The following TASOR2 variants were observed in gnomAD, a reference collection of about 807,000 sequenced individuals.
TASOR2 encodes transcription activation suppressor family member 2.
In TASOR2, 84 loss-of-function variants were observed where a neutral mutation model predicts 199.5. That is an observed-to-expected ratio of 0.42 (90% CI 0.35 to 0.50). The LOEUF (loss-of-function observed/expected upper bound fraction) is 0.50, where lower values mean the gene tolerates loss of function less well. Ranked by LOEUF, TASOR2 falls within the 20% of genes least tolerant of loss-of-function variation. The probability of loss-of-function intolerance (pLI) is 0.02; values close to 1 mark genes in which losing one functional copy is unlikely to be tolerated. For missense variants in TASOR2, 2,796 were observed against 2,835.9 expected (o/e 0.99, Z 0.32); for synonymous variants, 1,103 against 1,046.6 (o/e 1.05, Z -1.04).
Position 5,740,089 on chromosome 10 carries a change from A to C in TASOR2, c.1919A>C (p.Glu640Ala), listed in dbSNP as rs1186092047. The change falls in exon 13 of 21, where the codon GAA becomes GCA. Residue 640 changes from glutamate to alanine, a missense_variant. By Grantham distance (107) the Glu-to-Ala change is moderately radical. This residue lies in a region of TASOR2 where 847 missense variants were observed against 887.4 expected (regional missense o/e 0.95). Transcript: ENST00000328090. This position sits in a 1 kb window ranked among gnomAD's most constrained non-coding sequence, Gnocchi z 5.3. ...TCAGCACTTACTGAGGAAATGCTAG[A>C]ATCTTCAGATGCAAGCCAAAGCTCT... 1 of 1,614,130 alleles carries C rather than the reference A, an allele frequency of 6.2e-7. No individual in the cohort carries two copies. Among genetic ancestry groups the C allele is most frequent in the Non-Finnish European group, 8.5e-7 (1 of 1,180,034 alleles).
Position 5,740,234 on chromosome 10 carries a change from A to G in TASOR2, c.2064A>G (p.Ala688=). The stretch of plus-strand genomic sequence containing the variant: ...GGAATGGGACAAAAAGCCCTGAAGC[A>G]GCAACCCCAGTGGGGAAAGTCATGC... Residue 688 remains alanine, a synonymous_variant, in exon 13 of 21, where the codon GCA becomes GCG. Transcript: ENST00000328090. The surrounding 1 kb of genome is among the most constrained non-coding windows in gnomAD (Gnocchi z 5.3). 1.9e-6 allele frequency: 3 copies of G among 1,614,260 alleles called. No homozygotes were observed. Among genetic ancestry groups the G allele is most frequent in the Non-Finnish European group, 2.5e-6 (3 of 1,180,050 alleles).
At chr10:5,735,469 A>C (rs141323344) in exon 12 of TASOR2, 1 of 1,614,202 alleles carries the variant, frequency 6.2e-7, no homozygotes, top group Non-Finnish European at 8.5e-7. Flanking sequence ...CCACCTGTGA[A>C]GAAATCTCCA....
exon 15 of TASOR2, chr10:5,746,309 C>G: frequency 6.2e-7 from 1 of 1,614,148 alleles, no homozygotes; most frequent in Non-Finnish European, 8.5e-7. Context: ...CTGGATAGCA[C>G]AAGAGTGGCT....
intron 11 of TASOR2, among the ~76,000 whole-genome samples, chr10:5,734,871 A>AT (rs1248191432): frequency 6.6e-6 from 1 of 150,914 alleles, no homozygotes; most frequent in Non-Finnish European, 1.5e-5. Context: ...TAATTTGTTT[A>AT]TTTTTTTGTA....
intron 11 of TASOR2, among the ~76,000 whole-genome samples, chr10:5,731,598 C>T (rs117419839): frequency 0.011 from 1,604 of 152,306 alleles, 21 homozygotes; most frequent in Non-Finnish European, 0.016. Flanking sequence ...TTTGCAGCAT[C>T]AGTTAGAAGA....
rs1041536929 is a variant in TASOR2 at position 5,706,794 on chromosome 10, G to A, written c.-287-6029G>A. On this transcript the variant is annotated intron_variant, in intron 1 of 20. Transcript: ENST00000328090. The surrounding 1 kb of genome is among the most constrained non-coding windows in gnomAD (Gnocchi z 4.8). ...GAGGTATGCAGATCACTTGAGGCCA[G>A]GAGTTCGAGACCAACCTGGCTAACA... 6.6e-6 allele frequency among the ~76,000 whole-genome samples: 1 copy of A among 152,126 alleles called. No individual in the cohort carries two copies. Among genetic ancestry groups the A allele is most frequent in the African/African-American group, 2.4e-5 (1 of 41,406 alleles).
rs138641983 is a variant in TASOR2, at chr10:5,715,873, C to T, written c.-191-1786C>T. Among the ~76,000 whole-genome samples the T allele has an allele frequency of 3.8e-4, 58 of 152,272 alleles. 2 individuals are homozygous for T. The South Asian group carries it at 0.011, about 28-fold the overall frequency. On this transcript the variant is annotated intron_variant, in intron 2 of 20. Coordinates refer to ENST00000328090, the Ensembl canonical transcript of TASOR2. Reference sequence around the variant, plus strand: ...GGCCAGGATGGTCTCGATCTCCTGACCTCATGGTCAGCCCTCCTTGGCCTC... The same window carrying T: ...GGCCAGGATGGTCTCGATCTCCTGATCTCATGGTCAGCCCTCCTTGGCCTC...
rs1831717693 is a variant in TASOR2 at position 5,710,084 on chromosome 10, C to T, written c.-287-2739C>T. Among the ~76,000 whole-genome samples the T allele has an allele frequency of 6.6e-6, 1 of 152,038 alleles. No homozygotes were observed. The highest frequency in any genetic ancestry group is 6.5e-5 in the Admixed American group (1 of 15,270). ...GAGCATTGCTCAGCAGTTATGAGAC[C>T]ATTCATTCATAAAGTGTTTGTATTG... On this transcript the variant is annotated intron_variant, in intron 1 of 20. Transcript: ENST00000328090. The surrounding 1 kb of genome is among the most constrained non-coding windows in gnomAD (Gnocchi z 4.6).
In TASOR2 at chr10:5,720,763, G is replaced by T. The variant is rs755144615; in HGVS notation, c.35G>T (p.Arg12Leu). Residue 12 changes from arginine to leucine, a missense_variant, in exon 5 of 21, where the codon CGC becomes CTC. By Grantham distance (102) the Arg-to-Leu change is moderately radical (BLOSUM62 -2). This residue lies in a region of TASOR2 where 847 missense variants were observed against 887.4 expected (regional missense o/e 0.95). Coordinates refer to ENST00000328090, the Ensembl canonical transcript of TASOR2. The surrounding 1 kb of genome is among the most constrained non-coding windows in gnomAD (Gnocchi z 5.3). ...CTTTCTTTTTCTGCTAGACTTGAAC[G>T]CAGTGAAAATGGTAAGAAATAGTTC... 2 of 1,611,462 alleles carry T rather than the reference G, an allele frequency of 1.2e-6. No individual in the cohort carries two copies. Among genetic ancestry groups the T allele is most frequent in the African/African-American group, 1.3e-5 (1 of 74,586 alleles).
chr10:5,748,688 C>T lies in TASOR2; in HGVS notation c.5267C>T (p.Pro1756Leu). The stretch of plus-strand genomic sequence containing the variant: ...GGGGTTTCCTCCCTTTGTGCTGGTC[C>T]CTACCAAAATACAGCAGACACCAAG... The change falls in exon 15 of 21, where the codon CCC becomes CTC. Residue 1756 changes from proline (P) to leucine (L), a missense_variant. This residue lies in a region of TASOR2 where 1,941 missense variants were observed against 1,924.9 expected (regional missense o/e 1.01). Transcript: ENST00000328090. The surrounding 1 kb of genome is among the most constrained non-coding windows in gnomAD (Gnocchi z 5.1). The T allele has an allele frequency of 6.2e-7, 1 of 1,614,178 alleles. No individual in the cohort carries two copies.
chr10:5,749,481 G>A (rs761918052), exon 15 of TASOR2: 18 of 1,613,838 alleles, frequency 1.1e-5, no homozygotes, highest in African/African-American at 5.3e-5. Flanking sequence ...CTTTCCCTTC[G>A]ACAAAAATCT....
chr10:5,708,552 T>A (rs909344446), intron 1 of TASOR2, among the ~76,000 whole-genome samples: 3 of 147,250 alleles, frequency 2.0e-5, no homozygotes, highest in African/African-American at 7.8e-5. Flanking sequence ...TTCTCTTTCT[T>A]TCTTTCTTTT....
intron 1 of TASOR2, among the ~76,000 whole-genome samples, chr10:5,696,758 A>G (rs1245794532): frequency 6.6e-6 from 1 of 152,220 alleles, no homozygotes; most frequent in Non-Finnish European, 1.5e-5. Flanking sequence ...AGTAGGAAAT[A>G]AAAGGAGCTG....
intron 13 of TASOR2, among the ~76,000 whole-genome samples, chr10:5,741,527 A>C (rs1207975606): frequency 2.0e-5 from 3 of 152,198 alleles, no homozygotes; most frequent in Non-Finnish European, 4.4e-5. Flanking sequence ...GCGATCTGCC[A>C]TCCTTTTGCC....
chr10:5,714,707 A>G (rs1832387678), intron 2 of TASOR2: 1 of 152,254 alleles, frequency 6.6e-6, no homozygotes, highest in Admixed American at 6.5e-5. Context: ...AAACAGATTA[A>G]ACTACTTTAT....
rs377604488 is a variant in TASOR2 at position 5,740,313 on chromosome 10, G to A, written c.2143G>A (p.Val715Met). 43 of 1,614,078 alleles carry A rather than the reference G, an allele frequency of 2.7e-5. No individual in the cohort carries two copies. The highest frequency in any genetic ancestry group is 7.7e-5 in the South Asian group (7 of 91,092). The change falls in exon 13 of 21, where the codon GTG becomes ATG. Residue 715 changes from valine to methionine, a missense_variant. Physicochemically the swap from Val to Met is conservative, Grantham distance 21. Transcript: ENST00000328090. This position sits in a 1 kb window ranked among gnomAD's most constrained non-coding sequence, Gnocchi z 5.3. Reference sequence around the variant, plus strand: ...TCAGCAAAAGCCTCCTGACGACCCCGTGGTGAAGCCCAAGGATCGACCACC... The same window carrying A: ...TCAGCAAAAGCCTCCTGACGACCCCATGGTGAAGCCCAAGGATCGACCACC...
At position 5,706,140 on chromosome 10, in the gene TASOR2, G is replaced by A. The variant is rs867727002; in HGVS notation, c.-287-6683G>A. On this transcript the variant is annotated intron_variant, in intron 1 of 20. Transcript: ENST00000328090. This position sits in a 1 kb window ranked among gnomAD's most constrained non-coding sequence, Gnocchi z 4.8. ...ATTGCAAAGATATTCTTTCTCAATG[G>A]AATTATACTGGCAATATTGAAAATC... Among the ~76,000 whole-genome samples, 2 of 152,034 alleles carry A rather than the reference G, an allele frequency of 1.3e-5. No homozygotes were observed. Among genetic ancestry groups the A allele is most frequent in the African/African-American group, 2.4e-5 (1 of 41,398 alleles).
At position 5,737,910 on chromosome 10, in the gene TASOR2, T is replaced by TGCAAATGTCTG. The variant is rs1279754297; in HGVS notation, c.1448-1707_1448-1697dup. 6.6e-6 allele frequency among the ~76,000 whole-genome samples: 1 copy of TGCAAATGTCTG among 152,248 alleles called. No individual in the cohort carries two copies. Among genetic ancestry groups the TGCAAATGTCTG allele is most frequent in the Non-Finnish European group, 1.5e-5 (1 of 68,034 alleles). On this transcript the variant is annotated intron_variant, in intron 12 of 20. Coordinates refer to ENST00000328090, the Ensembl canonical transcript of TASOR2. This position sits in a 1 kb window ranked among gnomAD's most constrained non-coding sequence, Gnocchi z 4.9. ...TGTTCAAATACAGGCTGATTTGTAT[T>TGCAAATGTCTG]GCAAATGTCTGTAGGTATTGTGCAG...
intron 1 of TASOR2, among the ~76,000 whole-genome samples, chr10:5,696,042 G>A (rs535720702): frequency 3.3e-5 from 5 of 152,284 alleles, no homozygotes; most frequent in Non-Finnish European, 5.9e-5. Context: ...ATACCCAGGA[G>A]ACTAGGAGGC....
Sources: allele counts gnomAD v4.1 joint callset (sites outside exome capture counted in the v4.1 genomes callset), GRCh38; gene constraint gnomAD v4.1.1; regional missense constraint gnomAD v4.1.1; non-coding constraint Gnocchi (gnomAD v3.1); transcripts MANE v1.5; gene names NCBI Gene and HGNC (gene_info 2026-07-23, HGNC 2026-07-21).